SP1: variants seen among roughly 807,000 people sequenced by gnomAD.
SP1 encodes transcription factor Sp1.
In SP1, 6 loss-of-function variants were observed where a neutral mutation model predicts 66.3. That is an observed-to-expected ratio of 0.09 (90% CI 0.05 to 0.18). The LOEUF (loss-of-function observed/expected upper bound fraction) is 0.18, where lower values mean the gene tolerates loss of function less well. Ranked by LOEUF, SP1 falls within the 10% of genes least tolerant of loss-of-function variation. The pLI is 1.00. For missense variants in SP1, 848 were observed against 964.5 expected, an observed-to-expected ratio of 0.88 and a Z score of 1.60; for synonymous variants, 417 against 360.8, an observed-to-expected ratio of 1.16 and a Z score of -1.77.
At chr12:53,397,459 T>C (rs1245122302) in intron 3 of SP1, among the ~76,000 whole-genome samples, 1 of 145,458 alleles carries the variant, frequency 6.9e-6, no homozygotes, top group African/African-American at 2.7e-5. Context: ...TAGGATAATA[T>C]AGTAATTTTT....
chr12:53,397,464 ATT>A (rs62722560), intron 3 of SP1, among the ~76,000 whole-genome samples: 24,074 of 137,028 alleles, frequency 0.18, 1,970 homozygotes, highest in Admixed American at 0.2. Flanking sequence ...TAATATAGTA[ATT>A]TTTTTTTTTT....
chr12:53,399,589 C>A (rs969827017), intron 3 of SP1, among the ~76,000 whole-genome samples: 2 of 151,852 alleles, frequency 1.3e-5, no homozygotes, highest in African/African-American at 4.8e-5. Flanking sequence ...CCTCGGCCTC[C>A]CAAAGTGCTG....
At chr12:53,395,897 G>A (rs372021142) in intron 3 of SP1, among the ~76,000 whole-genome samples, 23 of 152,076 alleles carry the variant, frequency 1.5e-4, no homozygotes, top group African/African-American at 5.3e-4. Context: ...TGAAGCGAGT[G>A]GATCACAAGG....
At chr12:53,382,008 G>T in intron 2 of SP1, 102 bp from the exon 3 acceptor site, 2 of 1,241,666 alleles carry the variant, frequency 1.6e-6, no homozygotes, top group Admixed American at 2.4e-5. Context: ...TCTGTTTTTT[G>T]CTCCTTGTCT....
rs114609067 is a variant in SP1 at position 53,384,771 on chromosome 12, G to A, written c.1675+1149G>A. ...AAGACGAGGCAGGTGGATGGGTTGAGTTCAGGAGTTCAAGACCGGCTGGGG... is the reference window on the plus strand; with the variant it reads ...AAGACGAGGCAGGTGGATGGGTTGAATTCAGGAGTTCAAGACCGGCTGGGG... On this transcript the variant is annotated intron_variant, in intron 3 of 5. Transcript: ENST00000327443. Among the ~76,000 whole-genome samples the A allele has an allele frequency of 3.1e-3, 477 of 152,178 alleles. 2 individuals carry two copies. The highest frequency in any genetic ancestry group is 0.011 in the African/African-American group (451 of 41,518).
intron 3 of SP1, among the ~76,000 whole-genome samples, chr12:53,401,814 G>A (rs747910580): frequency 6.6e-5 from 10 of 151,726 alleles, no homozygotes; most frequent in African/African-American, 1.9e-4. Context: ...GATTACAGGC[G>A]CCCACCACCA....
chr12:53,407,449 C>T (rs889788734), intron 4 of SP1, among the ~76,000 whole-genome samples: 1 of 148,754 alleles, frequency 6.7e-6, no homozygotes, highest in African/African-American at 2.5e-5. Context: ...CTCAGTCTCC[C>T]GAGTAGCTGG....
intron 3 of SP1, among the ~76,000 whole-genome samples, chr12:53,398,117 G>A (rs1198214889): frequency 2.0e-5 from 3 of 152,076 alleles, no homozygotes; most frequent in Non-Finnish European, 4.4e-5. Flanking sequence ...TATAGAAGTA[G>A]GATGATTATA....
At chr12:53,400,517 T>G (rs920761124) in intron 3 of SP1, among the ~76,000 whole-genome samples, 10 of 152,202 alleles carry the variant, frequency 6.6e-5, no homozygotes, top group African/African-American at 2.4e-4. Flanking sequence ...TAATTTCTCT[T>G]GGTTATATAC....
Position 53,398,548 on chromosome 12 carries a change from G to T in SP1, c.1676-8037G>T, listed in dbSNP as rs573014241. 2.8e-3 allele frequency among the ~76,000 whole-genome samples: 428 copies of T among 152,272 alleles called. 2 individuals carry two copies. The highest frequency in any genetic ancestry group is 9.9e-3 in the African/African-American group (413 of 41,576). On this transcript the variant is annotated intron_variant, in intron 3 of 5. Transcript: ENST00000327443. The stretch of plus-strand genomic sequence containing the variant: ...TTCACCCTCCTTGGCCTCCCAAAGT[G>T]CTGGGATTAGACATGAGCCACCAAA...
chr12:53,399,099 G>T (rs1436615071), intron 3 of SP1, among the ~76,000 whole-genome samples: 1 of 152,128 alleles, frequency 6.6e-6, no homozygotes, highest in Non-Finnish European at 1.5e-5. Context: ...CATTTAAAAT[G>T]ATTTTATGGT....
At position 53,413,560 on chromosome 12, in the gene SP1, T is replaced by G. The variant is rs1353708999; in HGVS notation, c.*2320T>G. 6.6e-6 allele frequency: 1 copy of G among 152,628 alleles called. No homozygotes were observed. The highest frequency in any genetic ancestry group is 1.5e-5 in the Non-Finnish European group (1 of 68,042). The allele number at this position is 152,628 out of a possible 1,614,324, so 9.5% of individuals were successfully genotyped here. On this transcript the variant is annotated 3_prime_UTR_variant, in exon 6 of 6. Coordinates refer to ENST00000327443, the MANE Select transcript of SP1 (RefSeq NM_138473.3). ...ACTCAGGAACTATGGCAAGGAACTT[T>G]CCCCAGATCAAATTCTATTAACGCT...
intron 4 of SP1, among the ~76,000 whole-genome samples, chr12:53,408,373 A>G (rs1295678252): frequency 1.3e-5 from 2 of 150,606 alleles, no homozygotes; most frequent in African/African-American, 4.9e-5. Flanking sequence ...AGTAGCTGGG[A>G]TTACAGGCAT....
intron 4 of SP1, 140 bp downstream of exon 4, chr12:53,406,893 T>C: frequency 3.0e-6 from 2 of 672,862 alleles, no homozygotes; most frequent in Non-Finnish European, 2.4e-6. Flanking sequence ...GGCGCAATCT[T>C]GGCTCACTGC....
chr12:53,405,822 C>T (rs764795021), intron 3 of SP1, among the ~76,000 whole-genome samples: 1 of 152,020 alleles, frequency 6.6e-6, no homozygotes, highest in South Asian at 2.1e-4. Context: ...TGAAAAATTA[C>T]AAATGCGTTA....
chr12:53,380,556 G>A, intron 1 of SP1: 1 of 725,732 alleles, frequency 1.4e-6, no homozygotes, highest in Non-Finnish European at 1.8e-6. Context: ...CCGGCCACGG[G>A]GGACGGGCCT....
At chr12:53,403,671 T>C (rs907954899) in intron 3 of SP1, among the ~76,000 whole-genome samples, 7 of 152,070 alleles carry the variant, frequency 4.6e-5, no homozygotes, top group Non-Finnish European at 8.8e-5. Flanking sequence ...ATTAAATATA[T>C]GGATAGAGTT....
chr12:53,382,296 A>G lies in SP1; in HGVS notation c.349A>G (p.Thr117Ala). 6.2e-7 allele frequency: 1 copy of G among 1,614,148 alleles called. No homozygotes were observed. The highest frequency in any genetic ancestry group is 8.5e-7 in the Non-Finnish European group (1 of 1,180,000). The change falls in exon 3 of 6, where the codon ACC becomes GCC. Residue 117 changes from threonine (T) to alanine (A), a missense_variant. Thr to Ala is a moderately conservative substitution (Grantham distance 58). This residue lies in a region of SP1 where 606 missense variants were observed against 589.9 expected (regional missense o/e 1.03). Coordinates refer to ENST00000327443, the MANE Select transcript of SP1 (RefSeq NM_138473.3). ...GATCATCTCTTCCTCCTCTGGGGCTACCCCTACCTCAAAGGAACAGAGTGG... is the reference window on the plus strand; with the variant it reads ...GATCATCTCTTCCTCCTCTGGGGCTGCCCCTACCTCAAAGGAACAGAGTGG... ...WQIISSSSGA[T>A]PTSKEQSGSS...
Position 53,382,688 on chromosome 12 carries a change from A to C in SP1, c.741A>C (p.Ser247=). The C allele has an allele frequency of 1.2e-6, 2 of 1,613,648 alleles. No homozygotes were observed. The highest frequency in any genetic ancestry group is 8.5e-7 in the Non-Finnish European group (1 of 1,179,558). ...AAGGCCTGGCTAATAATGTACTCTC[A>C]GGACAGACTCAGTATGTGACCAATG... is the stretch of plus-strand genomic sequence containing the variant. ...PLQGLANNVL[S]GQTQYVTNVP... Residue 247 remains serine, a synonymous_variant, in exon 3 of 6, where the codon TCA becomes TCC. Coordinates refer to ENST00000327443, the MANE Select transcript of SP1 (RefSeq NM_138473.3).
Sources: gnomAD v4.1 joint callset for allele counts (sites outside exome capture counted in the v4.1 genomes callset) on GRCh38, gnomAD v4.1.1 for gene constraint, gnomAD v4.1.1 regional missense constraint, MANE v1.5 for transcripts, NCBI Gene and HGNC (gene_info 2026-07-23, HGNC 2026-07-21) for gene names.